CDH11: variants seen among roughly 807,000 people sequenced by gnomAD.
CDH11 encodes cadherin-11.
CDH11 carries 11 observed loss-of-function variants against 67.8 expected under a neutral mutation model. The ratio of observed to expected loss-of-function variants is 0.16; its 90% CI spans 0.10 to 0.27. The LOEUF (loss-of-function observed/expected upper bound fraction) is 0.27. Among genes scored for constraint, CDH11 ranks in the 10% least tolerant of loss-of-function variants. The pLI is 1.00. For missense variants in CDH11, 847 were observed against 1,031.2 expected (o/e 0.82, Z 2.45); for synonymous variants, 419 against 400.0 (o/e 1.05, Z -0.57).
At chr16:64,987,996 A>C in intron 7 of CDH11, 161 bp downstream of exon 7, 1 of 559,456 alleles carries the variant, frequency 1.8e-6, no homozygotes, top group Admixed American at 3.2e-5. Context: ...AAGGAATACA[A>C]TTCTGTGATC....
At position 65,036,952 on chromosome 16, in the gene CDH11, T is replaced by C. The variant is rs150565558; in HGVS notation, c.-173+16852A>G. Among the ~76,000 whole-genome samples the C allele has an allele frequency of 9.7e-3, 1,483 of 152,252 alleles. 10 individuals are homozygous for C. Among genetic ancestry groups the C allele is most frequent in the Non-Finnish European group, 0.018 (1,205 of 68,026 alleles). On this transcript the variant is annotated intron_variant, in intron 2 of 12. Transcript: ENST00000268603. Reference sequence around the variant, plus strand: ...AGATGGCAGGGCAGATGGAGATGTTTCATGCAAGAACTTTCGATGAGAAAG... The same window carrying C: ...AGATGGCAGGGCAGATGGAGATGTTCCATGCAAGAACTTTCGATGAGAAAG...
In CDH11 at chr16:65,004,968, G is replaced by A. The variant is rs1211949746; in HGVS notation, c.-99C>T. The A allele has an allele frequency of 3.5e-6, 5 of 1,433,138 alleles. No individual in the cohort carries two copies. Among genetic ancestry groups the A allele is most frequent in the Non-Finnish European group, 3.7e-6 (4 of 1,089,550 alleles). 88.8% of individuals were successfully genotyped at this position (1,433,138 alleles called of 1,614,324 possible). Reference sequence around the variant, plus strand: ...GGTGGCCTCCCGGACGCGTCACGCAGACCTCTCTTGGGATGGAATGTCTCT... The same window carrying A: ...GGTGGCCTCCCGGACGCGTCACGCAAACCTCTCTTGGGATGGAATGTCTCT... On this transcript the variant is annotated 5_prime_UTR_variant, in exon 3 of 13. Transcript: ENST00000268603.
At chr16:65,111,763 G>C (rs2075161936) in intron 1 of CDH11, among the ~76,000 whole-genome samples, 1 of 151,456 alleles carries the variant, frequency 6.6e-6, no homozygotes, top group Admixed American at 6.6e-5. Context: ...GGGCATCCTG[G>C]AAGACAACTT....
At chr16:64,951,842 T>C (rs562056535) in intron 11 of CDH11, among the ~76,000 whole-genome samples, 39 of 152,080 alleles carry the variant, frequency 2.6e-4, no homozygotes, top group Non-Finnish European at 4.9e-4. Context: ...AGGAGATTTA[T>C]GGTTTCTTTA....
intron 2 of CDH11, among the ~76,000 whole-genome samples, chr16:65,047,285 G>C (rs1428020554): frequency 1.3e-5 from 2 of 152,100 alleles, no homozygotes; most frequent in Non-Finnish European, 2.9e-5. Context: ...TGAACGCCTA[G>C]AGTATAGGAA....
chr16:65,110,348 T>G (rs138236287), intron 1 of CDH11, among the ~76,000 whole-genome samples: 1 of 152,222 alleles, frequency 6.6e-6, no homozygotes, highest in East Asian at 1.9e-4. Flanking sequence ...ACTTTTGGGT[T>G]TCTTAGTTGA....
chr16:65,016,661 G>A (rs1466241272), intron 2 of CDH11, among the ~76,000 whole-genome samples: 5 of 152,106 alleles, frequency 3.3e-5, no homozygotes, highest in African/African-American at 1.2e-4. Flanking sequence ...CCAAAAATGG[G>A]GTTCAGCCTG....
intron 2 of CDH11, among the ~76,000 whole-genome samples, chr16:65,033,232 AG>A (rs2073680087): frequency 7.2e-6 from 1 of 137,998 alleles, no homozygotes; most frequent in African/African-American, 2.8e-5. Context: ...CAAGTAAACT[AG>A]GAAAACACAC....
chr16:65,000,309 T>C (rs2072887704), intron 3 of CDH11, among the ~76,000 whole-genome samples: 1 of 152,180 alleles, frequency 6.6e-6, no homozygotes, highest in Non-Finnish European at 1.5e-5. Flanking sequence ...TGTTGTTCAA[T>C]CTCAATTTCT....
chr16:65,009,639 T>C (rs936293942), intron 2 of CDH11, among the ~76,000 whole-genome samples: 13 of 152,198 alleles, frequency 8.5e-5, no homozygotes, highest in South Asian at 2.1e-4. Context: ...AATGTTCTAA[T>C]TGGTTTTAAT....
chr16:65,030,858 T>C (rs1439182237), intron 2 of CDH11, among the ~76,000 whole-genome samples: 1 of 152,180 alleles, frequency 6.6e-6, no homozygotes, highest in Non-Finnish European at 1.5e-5. Flanking sequence ...CCACTATGCC[T>C]GGCTAGTTTG....
intron 1 of CDH11, among the ~76,000 whole-genome samples, chr16:65,057,724 G>A (rs982179436): frequency 6.6e-6 from 1 of 152,174 alleles, no homozygotes; most frequent in Admixed American, 6.5e-5. Flanking sequence ...AGCATAGCCC[G>A]AGGAGATGGA....
chr16:65,024,270 A>T (rs2073488328), intron 2 of CDH11, among the ~76,000 whole-genome samples: 1 of 152,212 alleles, frequency 6.6e-6, no homozygotes. Context: ...CACAGGAGTC[A>T]ATAGAATATA....
intron 1 of CDH11, among the ~76,000 whole-genome samples, chr16:65,100,542 T>C (rs1178329768): frequency 6.6e-6 from 1 of 151,722 alleles, no homozygotes; most frequent in African/African-American, 2.4e-5. Context: ...ATCGAGACCA[T>C]CCTGGTTGAC....
intron 2 of CDH11, among the ~76,000 whole-genome samples, chr16:65,051,849 GC>G (rs1438310936): frequency 1.3e-5 from 2 of 152,140 alleles, no homozygotes; most frequent in South Asian, 4.1e-4. Flanking sequence ...GGCTTCCCCA[GC>G]CATGCAGAAC....
At chr16:65,009,523 T>A (rs952794861) in intron 2 of CDH11, among the ~76,000 whole-genome samples, 2 of 152,156 alleles carry the variant, frequency 1.3e-5, no homozygotes, top group Non-Finnish European at 2.9e-5. Context: ...GAGAACTGAT[T>A]GATGTATTCA....
At chr16:65,055,171 G>A (rs1033072289) in intron 1 of CDH11, among the ~76,000 whole-genome samples, 3 of 152,182 alleles carry the variant, frequency 2.0e-5, no homozygotes, top group Non-Finnish European at 4.4e-5. Flanking sequence ...GAAGGACCCT[G>A]CTTGTCAACC....
At chr16:65,114,859 T>C (rs1464609611) in intron 1 of CDH11, among the ~76,000 whole-genome samples, 1 of 152,164 alleles carries the variant, frequency 6.6e-6, no homozygotes, top group African/African-American at 2.4e-5. Context: ...ACTGTGCTTT[T>C]GCCTGGGCCT....
At chr16:65,102,807 C>T (rs1597198478) in intron 1 of CDH11, among the ~76,000 whole-genome samples, 1 of 152,258 alleles carries the variant, frequency 6.6e-6, no homozygotes, top group East Asian at 1.9e-4. Context: ...AATATGGATC[C>T]TTCTGTTGAA....
Sources: allele counts gnomAD v4.1 joint callset (sites outside exome capture counted in the v4.1 genomes callset), GRCh38; gene constraint gnomAD v4.1.1; transcripts MANE v1.5; gene names NCBI Gene and HGNC (gene_info 2026-07-23, HGNC 2026-07-21).